TBX15: variants seen among roughly 807,000 people sequenced by gnomAD.
TBX15 encodes the protein T-box transcription factor 15.
TBX15 carries 18 observed loss-of-function variants against 53.9 expected under a neutral mutation model. The ratio of observed to expected loss-of-function variants is 0.33; its 90% CI spans 0.23 to 0.49. TBX15 has a LOEUF of 0.49. Ranked by LOEUF, TBX15 falls within the 20% of genes least tolerant of loss-of-function variation. TBX15 has a pLI of 0.98. For synonymous variants in TBX15, 295 were observed against 278.0 expected (o/e 1.06, Z -0.61); for missense variants, 692 against 749.5 (o/e 0.92, Z 0.90).
chr1:118,945,611 T>C (rs752131115), intron 1 of TBX15, among the ~76,000 whole-genome samples: 1 of 152,222 alleles, frequency 6.6e-6, no homozygotes, highest in Non-Finnish European at 1.5e-5. Context: ...CTCCCATTCC[T>C]GGGCAAGAAC....
At chr1:118,942,430 A>T (rs569010948) in intron 1 of TBX15, among the ~76,000 whole-genome samples, 1 of 152,212 alleles carries the variant, frequency 6.6e-6, no homozygotes, top group Admixed American at 6.5e-5. Context: ...GCCAGAGAAG[A>T]TCTGGGAGGG....
At chr1:118,908,920 T>TCACACACACA (rs113048062) in intron 6 of TBX15, among the ~76,000 whole-genome samples, 1 of 149,260 alleles carries the variant, frequency 6.7e-6, no homozygotes, top group African/African-American at 2.5e-5. Context: ...CACTCAACAT[T>TCACACACACA]CACACACACA....
At chr1:118,907,308 T>G (rs1234953407) in intron 6 of TBX15, among the ~76,000 whole-genome samples, 1 of 152,196 alleles carries the variant, frequency 6.6e-6, no homozygotes, top group Non-Finnish European at 1.5e-5. Flanking sequence ...TCCCAGAGTC[T>G]TTCACTCCAT....
At chr1:118,908,794 GTATACT>G (rs1387633668) in intron 6 of TBX15, among the ~76,000 whole-genome samples, 2 of 149,720 alleles carry the variant, frequency 1.3e-5, no homozygotes, top group South Asian at 2.1e-4. Flanking sequence ...ACATATATAG[GTATACT>G]TATACTTGCA....
chr1:118,985,130 T>C (rs1657786770), intron 1 of TBX15, among the ~76,000 whole-genome samples: 1 of 152,148 alleles, frequency 6.6e-6, no homozygotes, highest in Non-Finnish European at 1.5e-5. Context: ...TGTTTCATTC[T>C]TCCCGCAAAA....
At position 118,987,885 on chromosome 1, in the gene TBX15, C is replaced by T. The variant is rs1657896691; in HGVS notation, c.-90G>A. On this transcript the variant is annotated 5_prime_UTR_variant, in exon 1 of 8. Coordinates refer to ENST00000369429, the MANE Select transcript of TBX15 (RefSeq NM_001330677.2). Reference sequence around the variant, plus strand: ...GCTCTGAGCGCCCACCGGGCCCGGCCCGGGAGAGGCGGAGGCGCGTCGGAC... The same window carrying T: ...GCTCTGAGCGCCCACCGGGCCCGGCTCGGGAGAGGCGGAGGCGCGTCGGAC... 1 of 1,489,300 alleles carries T rather than the reference C, an allele frequency of 6.7e-7. No homozygotes were observed. Among genetic ancestry groups the T allele is most frequent in the Non-Finnish European group, 9.0e-7 (1 of 1,108,408 alleles). The allele number at this position is 1,489,300 out of a possible 1,614,324, so 92.3% of individuals were successfully genotyped here.
At chr1:118,908,328 A>G (rs1654906060) in intron 6 of TBX15, among the ~76,000 whole-genome samples, 1 of 151,256 alleles carries the variant, frequency 6.6e-6, no homozygotes, top group South Asian at 2.1e-4. Flanking sequence ...GTCTTCCAGG[A>G]GCTTATATTC....
rs34081549 is a variant in TBX15 at position 118,926,874 on chromosome 1, T to TTGTG, written c.420-267_420-264dup. Among the ~76,000 whole-genome samples the TTGTG allele has an allele frequency of 4.9e-3, 737 of 149,068 alleles. 7 individuals are homozygous for TTGTG. Among genetic ancestry groups the TTGTG allele is most frequent in the African/African-American group, 0.015 (598 of 40,478 alleles). ...GCATGAGCCACCACGCCCAGCTAAT[T>TTGTG]TGTGTGTGTGTGTGTGTGTGTGTGT... On this transcript the variant is annotated intron_variant, in intron 2 of 7. Transcript: ENST00000369429.
At chr1:118,930,536 C>T (rs1443471607) in intron 2 of TBX15, among the ~76,000 whole-genome samples, 1 of 152,196 alleles carries the variant, frequency 6.6e-6, no homozygotes, top group African/African-American at 2.4e-5. Context: ...CTGCCTCAGC[C>T]TCCCAAGTGG....
intron 1 of TBX15, among the ~76,000 whole-genome samples, chr1:118,956,273 G>GA (rs35125493): frequency 4.7e-5 from 7 of 149,794 alleles, no homozygotes; most frequent in Non-Finnish European, 7.4e-5. Context: ...CTTAGATTAG[G>GA]AAAAAAAAAT....
intron 1 of TBX15, among the ~76,000 whole-genome samples, chr1:118,947,756 G>C (rs1337457477): frequency 1.3e-5 from 2 of 152,204 alleles, no homozygotes; most frequent in African/African-American, 4.8e-5. Context: ...TGAGGAAACT[G>C]AGACTCGGTG....
intron 1 of TBX15, among the ~76,000 whole-genome samples, chr1:118,963,544 G>A (rs1656944650): frequency 6.6e-6 from 1 of 152,168 alleles, no homozygotes; most frequent in African/African-American, 2.4e-5. Flanking sequence ...TTAACTTACA[G>A]GCTAAGGCCC....
chr1:118,946,608 G>A (rs901784089), intron 1 of TBX15, among the ~76,000 whole-genome samples: 8 of 152,126 alleles, frequency 5.3e-5, no homozygotes, highest in Admixed American at 1.3e-4. Context: ...TACTAATGGT[G>A]CATCTTAATA....
chr1:118,971,659 C>T (rs760939831), intron 1 of TBX15, among the ~76,000 whole-genome samples: 9 of 152,202 alleles, frequency 5.9e-5, no homozygotes, highest in African/African-American at 1.2e-4. Flanking sequence ...CATTCATCTA[C>T]GACCAATTCT....
At position 118,987,950 on chromosome 1, in the gene TBX15, C is replaced by G. The variant is rs376544041; in HGVS notation, c.-155G>C. On this transcript the variant is annotated 5_prime_UTR_variant, in exon 1 of 8. Coordinates refer to ENST00000369429, the MANE Select transcript of TBX15 (RefSeq NM_001330677.2). Reference sequence around the variant, plus strand: ...GGCTCGCGGGTCTCTCCACCCTCCCCCTGCGTCCTCCTCCGCCCTCCTCTG... The same window carrying G: ...GGCTCGCGGGTCTCTCCACCCTCCCGCTGCGTCCTCCTCCGCCCTCCTCTG... 4.9e-5 allele frequency: 43 copies of G among 869,716 alleles called. No individual in the cohort carries two copies. In the Middle Eastern group the frequency reaches 1.1e-3, roughly 21 times the overall value. 53.9% of individuals were successfully genotyped at this position (869,716 alleles called of 1,614,324 possible). A position where few individuals can be genotyped will look rare whatever the true frequency, so the allele number is the denominator to read the frequency against.
rs1360684208 is a variant in TBX15, at chr1:118,939,607, G to A, written c.206-7775C>T. ...CTATAGGGTACTGTGCTCACTACCTGCGTGATGGGATTCATACCCTAAACC... is the reference window on the plus strand; with the variant it reads ...CTATAGGGTACTGTGCTCACTACCTACGTGATGGGATTCATACCCTAAACC... On this transcript the variant is annotated intron_variant, in intron 1 of 7. Transcript: ENST00000369429. Among the ~76,000 whole-genome samples the A allele has an allele frequency of 4.0e-5, 6 of 149,588 alleles. 1 individual carries two copies. The highest frequency in any genetic ancestry group is 1.5e-4 in the African/African-American group (6 of 39,112).
At chr1:118,979,808 A>C (rs887644605) in intron 1 of TBX15, among the ~76,000 whole-genome samples, 7 of 152,256 alleles carry the variant, frequency 4.6e-5, no homozygotes, top group African/African-American at 1.2e-4. Context: ...GCCCCGCGAT[A>C]ACCCCGGGCG....
In TBX15 at chr1:118,940,949, G is replaced by A. The variant is rs1656158300; in HGVS notation, c.206-9117C>T. 4.0e-5 allele frequency among the ~76,000 whole-genome samples: 6 copies of A among 149,862 alleles called. No individual in the cohort carries two copies. The South Asian group carries it at 1.2e-3, about 31-fold the overall frequency. Reference sequence around the variant, plus strand: ...GAAATGTTCAACCTAAGTACCTCTTGCACCAAAGGTCCTTCAAAAGTTCAT... The same window carrying A: ...GAAATGTTCAACCTAAGTACCTCTTACACCAAAGGTCCTTCAAAAGTTCAT... On this transcript the variant is annotated intron_variant, in intron 1 of 7. Coordinates refer to ENST00000369429, the MANE Select transcript of TBX15 (RefSeq NM_001330677.2).
At chr1:118,946,637 A>T (rs1656356469) in intron 1 of TBX15, among the ~76,000 whole-genome samples, 1 of 152,194 alleles carries the variant, frequency 6.6e-6, no homozygotes, top group Non-Finnish European at 1.5e-5. Context: ...TTTTATCTTT[A>T]TTATGAAGAG....
Sources: allele counts gnomAD v4.1 joint callset (sites outside exome capture counted in the v4.1 genomes callset), GRCh38; gene constraint gnomAD v4.1.1; transcripts MANE v1.5; gene names NCBI Gene and HGNC (gene_info 2026-07-23, HGNC 2026-07-21).